The following UBN1 variants were observed in gnomAD, a reference collection of about 807,000 sequenced individuals.
The protein encoded by UBN1 is ubinuclein-1.
Under a neutral mutation model 108.5 loss-of-function variants are expected in UBN1, and 17 were observed. The ratio of observed to expected loss-of-function variants is 0.16; its 90% confidence interval spans 0.11 to 0.24. UBN1 has a LOEUF of 0.24. Among genes scored for constraint, UBN1 ranks in the 10% least tolerant of loss-of-function variants. The pLI is 1.00. For missense variants in UBN1, 1,595 were observed against 1,394.4 expected, an observed-to-expected ratio of 1.14 and a Z score of -2.29; for synonymous variants, 726 against 564.2, an observed-to-expected ratio of 1.29 and a Z score of -4.07.
At chr16:4,869,383 G>C (rs939226853) in intron 8 of UBN1, among the ~76,000 whole-genome samples, 2 of 152,244 alleles carry the variant, frequency 1.3e-5, no homozygotes, top group African/African-American at 4.8e-5. Flanking sequence ...CCACATGCCT[G>C]AGCCTCTGAG....
chr16:4,856,220 T>C (rs1340902639), intron 2 of UBN1, among the ~76,000 whole-genome samples: 1 of 152,184 alleles, frequency 6.6e-6, no homozygotes, highest in African/African-American at 2.4e-5. Flanking sequence ...TGTCACCTTT[T>C]TGGGGACTAC....
chr16:4,874,065 C>A, intron 14 of UBN1, 146 bp from the exon 15 acceptor site: 3 of 1,035,008 alleles, frequency 2.9e-6, no homozygotes, highest in Non-Finnish European at 4.1e-6. Context: ...GCGGGCACAG[C>A]TCCTGCTCTG....
At chr16:4,855,980 A>G (rs988846473) in intron 2 of UBN1, among the ~76,000 whole-genome samples, 1 of 152,178 alleles carries the variant, frequency 6.6e-6, no homozygotes, top group Non-Finnish European at 1.5e-5. Flanking sequence ...TGATTGCCTG[A>G]TTGCCAGAAT....
intron 2 of UBN1, among the ~76,000 whole-genome samples, chr16:4,857,659 A>G (rs769012069): frequency 6.6e-6 from 1 of 152,220 alleles, no homozygotes; most frequent in Non-Finnish European, 1.5e-5. Context: ...GAAAATTTTA[A>G]GAGTTACAAA....
chr16:4,882,173 G>A lies in UBN1; in HGVS notation c.*2041G>A, dbSNP rs532588787. 1.3e-5 allele frequency: 2 copies of A among 152,594 alleles called. No individual in the cohort carries two copies. The highest frequency in any genetic ancestry group is 2.9e-5 in the Non-Finnish European group (2 of 68,046). 9.5% of individuals were successfully genotyped at this position (152,594 alleles called of 1,614,324 possible). On this transcript the variant is annotated 3_prime_UTR_variant, in exon 18 of 18. Coordinates refer to ENST00000262376, the MANE Select transcript of UBN1 (RefSeq NM_001079514.3). Reference sequence around the variant, plus strand: ...GCAGAGGGTGGGGCAGAGCAGCCTCGGGGTCTGGGGGCTGCAGGGGTTTCC... The same window carrying A: ...GCAGAGGGTGGGGCAGAGCAGCCTCAGGGTCTGGGGGCTGCAGGGGTTTCC...
At chr16:4,857,387 C>G (rs978427706) in intron 2 of UBN1, among the ~76,000 whole-genome samples, 1 of 149,034 alleles carries the variant, frequency 6.7e-6, no homozygotes, top group African/African-American at 2.5e-5. Flanking sequence ...TTTTGGATTC[C>G]TTGCTCACAA....
Position 4,874,339 on chromosome 16 carries a change from C to G in UBN1, c.1929C>G (p.Ser643=), listed in dbSNP as rs1409966455. The change falls in exon 15 of 18, where the codon TCC becomes TCG. Residue 643 remains serine (S), a synonymous_variant. Coordinates refer to ENST00000262376, the MANE Select transcript of UBN1 (RefSeq NM_001079514.3). ...GGGCCTCGAGCAGGGAGCTCCCATC[C>G]CAGGCATCGGGCGGCCTTGCTAACC... is the stretch of plus-strand genomic sequence containing the variant. ...SIGASSRELP[S]QASGGLANPP... 6.2e-7 allele frequency: 1 copy of G among 1,614,038 alleles called. No individual in the cohort carries two copies. Among genetic ancestry groups the G allele is most frequent in the Non-Finnish European group, 8.5e-7 (1 of 1,180,044 alleles).
rs370575949 is a variant in UBN1, at chr16:4,875,037, C to T, written c.2627C>T (p.Pro876Leu). Reference protein sequence around the residue: ...SASSSSSHKTPASSSSALSHP... With the variant: ...SASSSSSHKTLASSSSALSHP... The stretch of plus-strand genomic sequence containing the variant: ...TCCAGCAGCAGCTCTCACAAGACCC[C>T]AGCCTCGTCCTCTTCTGCCCTGAGC... Residue 876 changes from proline to leucine, a missense_variant, in exon 15 of 18, where the codon CCA becomes CTA. Transcript: ENST00000262376. 7 of 1,613,920 alleles carry T rather than the reference C, an allele frequency of 4.3e-6. No homozygotes were observed. In the African/African-American group the frequency reaches 6.7e-5, roughly 15 times the overall value.
intron 4 of UBN1, 25 bp from the exon 5 acceptor site, chr16:4,859,000 C>G (rs2086931864): frequency 6.2e-7 from 1 of 1,609,318 alleles, no homozygotes; most frequent in Non-Finnish European, 8.5e-7. Flanking sequence ...GAACTTGGAG[C>G]TGACAGTTTG....
At chr16:4,873,374 T>G (rs2087732217) in intron 14 of UBN1, among the ~76,000 whole-genome samples, 3 of 152,178 alleles carry the variant, frequency 2.0e-5, no homozygotes, top group Admixed American at 2.0e-4. Context: ...CGTGTTACAC[T>G]GTGATCTTTG....
Position 4,868,846 on chromosome 16 carries a change from C to T in UBN1, c.1124C>T (p.Ala375Val). ...VKELAQAARA[A>V]EGESRQKFFT... Reference sequence around the variant, plus strand: ...GCTGTGCACCAGGCTGCCAGAGCTGCTGAGGGGGAGAGCAGACAGAAGTTC... The same window carrying T: ...GCTGTGCACCAGGCTGCCAGAGCTGTTGAGGGGGAGAGCAGACAGAAGTTC... Residue 375 changes from alanine to valine, a missense_variant, in exon 8 of 18, where the codon GCT becomes GTT. Physicochemically the swap from Ala to Val is moderately conservative, Grantham distance 64. Around this residue, in one of 3 missense-constraint regions of UBN1, gnomAD observed 1,398 missense variants for 1,194.7 expected, o/e 1.17. Transcript: ENST00000262376. 6.2e-7 allele frequency: 1 copy of T among 1,613,836 alleles called. No individual in the cohort carries two copies. The highest frequency in any genetic ancestry group is 8.5e-7 in the Non-Finnish European group (1 of 1,179,848).
chr16:4,858,771 G>T, intron 4 of UBN1, 108 bp downstream of exon 4: 3 of 1,098,404 alleles, frequency 2.7e-6, no homozygotes, highest in Non-Finnish European at 4.1e-6. Flanking sequence ...CCTCTTCCCA[G>T]CATGAGGCAG....
At position 4,870,858 on chromosome 16, in the gene UBN1, A is replaced by G. The variant is rs1567939977; in HGVS notation, c.1445A>G (p.Glu482Gly). The change falls in exon 11 of 18, where the codon GAG becomes GGG. Residue 482 changes from glutamate to glycine, a missense_variant. This residue lies in a region of UBN1 where 1,398 missense variants were observed against 1,194.7 expected (regional missense o/e 1.17). Transcript: ENST00000262376. ...QAKVAKMLEE[E>G]KDKEQRDRIC... ...TCACCCCGTAGGATGCTGGAAGAGG[A>G]GAAAGACAAGGAGCAGAGGGACCGG... 1 of 1,613,920 alleles carries G rather than the reference A, an allele frequency of 6.2e-7. No individual in the cohort carries two copies. The highest frequency in any genetic ancestry group is 2.2e-5 in the East Asian group (1 of 44,866).
At chr16:4,879,457 ATTTTT>A (rs957918395) in intron 17 of UBN1, among the ~76,000 whole-genome samples, 8 of 150,928 alleles carry the variant, frequency 5.3e-5, no homozygotes, top group African/African-American at 1.9e-4. Context: ...CTCTAAAAAA[ATTTTT>A]TTTAATCAGT....
At position 4,877,714 on chromosome 16, in the gene UBN1, G is replaced by C; in HGVS notation, c.3355+240G>C. The C allele has an allele frequency of 1.6e-6, 2 of 1,224,036 alleles. No individual in the cohort carries two copies. Among genetic ancestry groups the C allele is most frequent in the Non-Finnish European group, 2.0e-6 (2 of 982,384 alleles). 75.8% of individuals were successfully genotyped at this position (1,224,036 alleles called of 1,614,324 possible). A position where few individuals can be genotyped will look rare whatever the true frequency, so the allele number is the denominator to read the frequency against. On this transcript the variant is annotated intron_variant, in intron 17 of 17. Coordinates refer to ENST00000262376, the MANE Select transcript of UBN1 (RefSeq NM_001079514.3). This position sits in a 1 kb window ranked among gnomAD's most constrained non-coding sequence, Gnocchi z 4.3. ...TCAGCCTCAGCCTGTGTGATCACAGGGAAAGTTGCGGGGGGCAGGGTGGTG... is the reference window on the plus strand; with the variant it reads ...TCAGCCTCAGCCTGTGTGATCACAGCGAAAGTTGCGGGGGGCAGGGTGGTG...
In UBN1 at chr16:4,876,904, T is replaced by G. The variant is rs1567962018; in HGVS notation, c.3058T>G (p.Ser1020Ala). The G allele has an allele frequency of 6.2e-7, 1 of 1,613,024 alleles. No individual in the cohort carries two copies. The highest frequency in any genetic ancestry group is 2.2e-5 in the East Asian group (1 of 44,874). The stretch of plus-strand genomic sequence containing the variant: ...GAGTGGGACTGTGCTGCTGGCCGGC[T>G]CCTCTTTGATGGCTTCACCCTACAA... Reference protein sequence around the residue: ...GASGTVLLAGSSLMASPYKSS... With the variant: ...GASGTVLLAGASLMASPYKSS... The change falls in exon 16 of 18, where the codon TCC becomes GCC. Residue 1020 changes from serine (S) to alanine (A), a missense_variant. Coordinates refer to ENST00000262376, the MANE Select transcript of UBN1 (RefSeq NM_001079514.3).
Position 4,880,183 on chromosome 16 carries a change from G to T in UBN1, c.*51G>T. The T allele has an allele frequency of 2.5e-6, 4 of 1,591,910 alleles. No individual in the cohort carries two copies. The highest frequency in any genetic ancestry group is 3.4e-6 in the Non-Finnish European group (4 of 1,160,160). ...TTGGGTCTGGGTGGAATCAGAACGT[G>T]CAGGTCTCCCAGGATGTACACTCAC... is the stretch of plus-strand genomic sequence containing the variant. On this transcript the variant is annotated 3_prime_UTR_variant, in exon 18 of 18. Coordinates refer to ENST00000262376, the MANE Select transcript of UBN1 (RefSeq NM_001079514.3).
At chr16:4,867,555 A>G (rs2087396493) in intron 7 of UBN1, among the ~76,000 whole-genome samples, 1 of 152,204 alleles carries the variant, frequency 6.6e-6, no homozygotes, top group Non-Finnish European at 1.5e-5. Context: ...TCCAGAGCTT[A>G]GATGAGAGGA....
intron 7 of UBN1, among the ~76,000 whole-genome samples, chr16:4,865,956 C>T (rs1187086039): frequency 1.3e-5 from 2 of 151,686 alleles, no homozygotes; most frequent in African/African-American, 2.4e-5. Context: ...AACAAGACTC[C>T]GTCTCAAAAA....
Sources: allele counts gnomAD v4.1 joint callset (sites outside exome capture counted in the v4.1 genomes callset), GRCh38; gene constraint gnomAD v4.1.1; regional missense constraint gnomAD v4.1.1; non-coding constraint Gnocchi (gnomAD v3.1); transcripts MANE v1.5; gene names NCBI Gene and HGNC (gene_info 2026-07-23, HGNC 2026-07-21).